KIAA1671: variants seen among roughly 807,000 people sequenced by gnomAD.
KIAA1671 encodes uncharacterized protein KIAA1671.
Under a neutral mutation model 131.2 loss-of-function variants are expected in KIAA1671, and 52 were observed. That is an observed-to-expected ratio of 0.40 (90% confidence interval 0.32 to 0.50). The LOEUF is 0.50. Among genes scored for constraint, KIAA1671 ranks in the 20% least tolerant of loss-of-function variants. The pLI is 0.73. For synonymous variants in KIAA1671, 1,003 were observed against 961.6 expected, an observed-to-expected ratio of 1.04 and a Z score of -0.80; for missense variants, 2,360 against 2,364.2, an observed-to-expected ratio of 1.00 and a Z score of 0.04.
chr22:25,122,358 G>GT (rs1931985679), intron 6 of KIAA1671, among the ~76,000 whole-genome samples: 1 of 152,090 alleles, frequency 6.6e-6, no homozygotes, highest in African/African-American at 2.4e-5. Context: ...ACACCTGGGA[G>GT]TTACTGTCCC....
chr22:25,125,735 G>C (rs1282394480), intron 6 of KIAA1671, among the ~76,000 whole-genome samples: 6 of 152,182 alleles, frequency 3.9e-5, no homozygotes, highest in African/African-American at 1.4e-4. Flanking sequence ...CAAATGTAAG[G>C]GGCAAAGTCA....
intron 6 of KIAA1671, among the ~76,000 whole-genome samples, chr22:25,127,487 GC>G (rs1932240677): frequency 6.6e-6 from 1 of 152,178 alleles, no homozygotes; most frequent in Non-Finnish European, 1.5e-5. Context: ...AGAGCCAGCA[GC>G]CCCATCCTCT....
At chr22:25,000,203 T>TAAA (rs1924371852) in intron 1 of KIAA1671, among the ~76,000 whole-genome samples, 1 of 79,898 alleles carries the variant, frequency 1.3e-5, no homozygotes. Context: ...TTTTTTTTTT[T>TAAA]TTTTTTTTGA....
intron 6 of KIAA1671, among the ~76,000 whole-genome samples, chr22:25,152,113 A>G (rs528840591): frequency 1.1e-3 from 170 of 152,270 alleles, no homozygotes; most frequent in Admixed American, 1.9e-3. Context: ...GCTATATTCT[A>G]TTTTTCAGGT....
At chr22:25,058,406 C>G (rs5996823) in intron 6 of KIAA1671, 1 of 151,912 alleles carries the variant, frequency 6.6e-6, no homozygotes, top group Non-Finnish European at 1.5e-5. Flanking sequence ...TTTAATGTTA[C>G]GTCCCATCCA....
At chr22:25,189,563 ATTTAAAT>A (rs1934600368) in intron 11 of KIAA1671, among the ~76,000 whole-genome samples, 1 of 152,168 alleles carries the variant, frequency 6.6e-6, no homozygotes, top group Non-Finnish European at 1.5e-5. Flanking sequence ...GCGCCTACTG[ATTTAAAT>A]GTTAACCTCA....
intron 6 of KIAA1671, chr22:25,064,988 G>A (rs891746566): frequency 5.3e-5 from 8 of 152,322 alleles, no homozygotes; most frequent in African/African-American, 1.7e-4. Flanking sequence ...AAGAGAGGGC[G>A]CAGTGACTCA....
intron 1 of KIAA1671, among the ~76,000 whole-genome samples, chr22:25,018,988 A>C (rs5760799): frequency 0.57 from 86,831 of 151,532 alleles, 24,937 homozygotes; most frequent in African/African-American, 0.6. Context: ...GTGCCATTTT[A>C]TATTCACAAC....
intron 5 of KIAA1671, among the ~76,000 whole-genome samples, chr22:25,045,231 C>A (rs1033741768): frequency 6.6e-6 from 1 of 151,972 alleles, no homozygotes; most frequent in Non-Finnish European, 1.5e-5. Flanking sequence ...AAATATTGAG[C>A]GTGGTGCATA....
At chr22:25,099,778 A>G (rs536769021) in intron 6 of KIAA1671, among the ~76,000 whole-genome samples, 69 of 152,056 alleles carry the variant, frequency 4.5e-4, no homozygotes, top group South Asian at 2.3e-3. Flanking sequence ...CTCCCGAGGT[A>G]CTGGTATTAC....
chr22:25,121,169 G>C (rs1931923260), intron 6 of KIAA1671, among the ~76,000 whole-genome samples: 2 of 152,194 alleles, frequency 1.3e-5, no homozygotes, highest in South Asian at 4.1e-4. Flanking sequence ...ATGAAGAATG[G>C]AGTCTTTAGT....
intron 6 of KIAA1671, among the ~76,000 whole-genome samples, chr22:25,136,434 A>T (rs1203578725): frequency 1.3e-5 from 2 of 152,154 alleles, no homozygotes; most frequent in Non-Finnish European, 2.9e-5. Context: ...AGACTGTGGC[A>T]TTTCTGATTA....
chr22:25,150,467 G>A (rs943333079), intron 6 of KIAA1671, among the ~76,000 whole-genome samples: 35 of 152,182 alleles, frequency 2.3e-4, no homozygotes, highest in African/African-American at 8.4e-4. Flanking sequence ...ATGGCAGTGG[G>A]TGGCAGTCCA....
At chr22:25,185,238 C>T (rs970498043) in intron 11 of KIAA1671, 119 bp downstream of exon 11, 11 of 1,084,788 alleles carry the variant, frequency 1.0e-5, no homozygotes, top group Non-Finnish European at 1.4e-5. Flanking sequence ...TTAATTTTCT[C>T]TAGCAGCAGA....
rs1277404739 is a variant in KIAA1671, at chr22:25,093,733, ACACACT to A, written c.4530+44371_4530+44376del. Among the ~76,000 whole-genome samples, 66 of 33,226 alleles carry A rather than the reference ACACACT, an allele frequency of 2.0e-3. 2 individuals carry two copies. Among genetic ancestry groups the A allele is most frequent in the Middle Eastern group, 0.017 (1 of 60 alleles). 21.8% of individuals were successfully genotyped at this position (33,226 alleles called of 152,430 possible). A position where few individuals can be genotyped will look rare whatever the true frequency, so the allele number is the denominator to read the frequency against. On this transcript the variant is annotated intron_variant, in intron 6 of 12. Coordinates refer to ENST00000358431, the MANE Select transcript of KIAA1671 (RefSeq NM_001145206.2). ...CACACACACACACACACACACACACACACACTCTCTCTCTCTCTCTCTCTCTCTCTC... is the reference window on the plus strand; with the variant it reads ...CACACACACACACACACACACACACACTCTCTCTCTCTCTCTCTCTCTCTC...
intron 5 of KIAA1671, among the ~76,000 whole-genome samples, chr22:25,046,313 AAAG>A (rs1394948379): frequency 2.3e-5 from 3 of 129,814 alleles, no homozygotes; most frequent in African/African-American, 6.6e-5. Context: ...AGAGAAAAAA[AAAG>A]AAGAAGAAAA....
At chr22:25,140,741 G>GT (rs1294642942) in intron 6 of KIAA1671, among the ~76,000 whole-genome samples, 2 of 152,236 alleles carry the variant, frequency 1.3e-5, no homozygotes, top group African/African-American at 4.8e-5. Context: ...ATAGGATGCA[G>GT]TGAGGGCATT....
At chr22:25,015,353 G>C (rs1925252740) in intron 1 of KIAA1671, among the ~76,000 whole-genome samples, 1 of 152,044 alleles carries the variant, frequency 6.6e-6, no homozygotes, top group South Asian at 2.1e-4. Flanking sequence ...TTTGGCCTGT[G>C]GACTCTAGTT....
At chr22:25,127,965 A>G (rs1011425558) in intron 6 of KIAA1671, among the ~76,000 whole-genome samples, 13 of 152,198 alleles carry the variant, frequency 8.5e-5, no homozygotes, top group Non-Finnish European at 1.5e-5. Context: ...GGAGGAGACA[A>G]CAGGGGTACA....
Sources: gnomAD v4.1 joint callset for allele counts (sites outside exome capture counted in the v4.1 genomes callset) on GRCh38, gnomAD v4.1.1 for gene constraint, MANE v1.5 for transcripts, NCBI Gene and HGNC (gene_info 2026-07-23, HGNC 2026-07-21) for gene names.